Variants in FLT3 observed in about 807,000 individuals in gnomAD.
FLT3 encodes fms related receptor tyrosine kinase 3.
FLT3 carries 46 observed loss-of-function variants against 126.6 expected under a neutral mutation model. The observed-to-expected ratio is 0.36, with a 90% confidence interval of 0.29 to 0.46. FLT3 has a LOEUF of 0.46. Among genes scored for constraint, FLT3 ranks in the 20% least tolerant of loss-of-function variants. FLT3 has a pLI of 1.00. For synonymous variants in FLT3, 404 were observed against 434.4 expected (o/e 0.93, Z 0.87); for missense variants, 1,069 against 1,190.3 (o/e 0.90, Z 1.50).
intron 2 of FLT3, among the ~76,000 whole-genome samples, chr13:28,065,875 A>G (rs9551433): frequency 0.25 from 30,072 of 121,590 alleles, 2,605 homozygotes; most frequent in Middle Eastern, 0.39. Flanking sequence ...GGTGGCTCAC[A>G]CCTGTAATCC....
chr13:28,088,687 C>T (rs1169415568), intron 1 of FLT3, among the ~76,000 whole-genome samples: 2 of 147,910 alleles, frequency 1.4e-5, no homozygotes, highest in Non-Finnish European at 3.0e-5. Context: ...CGGGTTCAAG[C>T]GATTCTCCTG....
chr13:28,098,314 CAAAAA>C (rs55675449), intron 1 of FLT3, among the ~76,000 whole-genome samples: 1,064 of 85,300 alleles, frequency 0.012, 15 homozygotes, highest in East Asian at 0.07. Context: ...GACTCCGTCT[CAAAAA>C]AAAAAAAAAA....
intron 19 of FLT3, 36 bp downstream of exon 19, chr13:28,023,314 T>G: frequency 6.3e-7 from 1 of 1,584,526 alleles, no homozygotes; most frequent in Non-Finnish European, 8.6e-7. Flanking sequence ...TTTCAAATCT[T>G]TTTTTTGGTT....
At position 28,034,171 on chromosome 13, in the gene FLT3, C is replaced by A. The variant is rs761757421; in HGVS notation, c.1748G>T (p.Gly583Val). ...ESQLQMVQVT[G>V]SSDNEYFYVD... Reference sequence around the variant, plus strand: ...GTAGAAGTACTCATTATCTGAGGAGCCGGTCACCTGTACCATCTGTAGCTG... The same window carrying A: ...GTAGAAGTACTCATTATCTGAGGAGACGGTCACCTGTACCATCTGTAGCTG... Residue 583 changes from glycine to valine, a missense_variant, in exon 14 of 24, where the codon GGC (glycine) becomes GTC (valine). Coordinates refer to ENST00000241453, the MANE Select transcript of FLT3 (RefSeq NM_004119.3). The A allele has an allele frequency of 6.2e-7, 1 of 1,613,964 alleles. No individual in the cohort carries two copies. The highest frequency in any genetic ancestry group is 1.3e-5 in the African/African-American group (1 of 75,040).
In FLT3 at chr13:28,015,744, T is replaced by A. The variant is rs745942668; in HGVS notation, c.2542-43A>T. 3 of 1,151,676 alleles carry A rather than the reference T, an allele frequency of 2.6e-6. No individual in the cohort carries two copies. In the South Asian group the frequency reaches 3.7e-5, roughly 14 times the overall value. 71.3% of individuals were successfully genotyped at this position (1,151,676 alleles called of 1,614,324 possible). A position where few individuals can be genotyped will look rare whatever the true frequency, so the allele number is the denominator to read the frequency against. On this transcript the variant is annotated intron_variant, in intron 20 of 23. Coordinates refer to ENST00000241453, the MANE Select transcript of FLT3 (RefSeq NM_004119.3). ...GAGATAAGATGGTGAATTTTCCACA[T>A]ACAGACATGACTTCTTTTCTTTTGT...
At chr13:28,056,383 C>G (rs1875999835) in intron 4 of FLT3, among the ~76,000 whole-genome samples, 1 of 152,172 alleles carries the variant, frequency 6.6e-6, no homozygotes, top group Non-Finnish European at 1.5e-5. Context: ...AAGAGGGGAG[C>G]CTGGCAAGTT....
At chr13:28,027,008 G>C in intron 17 of FLT3, 80 bp downstream of exon 17, 1 of 1,258,072 alleles carries the variant, frequency 7.9e-7, no homozygotes, top group Non-Finnish European at 1.1e-6. Context: ...TTAGAAACTG[G>C]TCAACGAAGT....
At chr13:28,040,096 T>C (rs868672143) in intron 9 of FLT3, among the ~76,000 whole-genome samples, 1 of 152,216 alleles carries the variant, frequency 6.6e-6, no homozygotes, top group Non-Finnish European at 1.5e-5. Context: ...CATTCCTTCA[T>C]TCAACTGTCA....
At chr13:28,025,170 G>T (rs1233123266) in intron 17 of FLT3, 2 of 535,496 alleles carry the variant, frequency 3.7e-6, no homozygotes, top group East Asian at 6.3e-5. Context: ...GAATCTTACA[G>T]TTCAAAAAGG....
intron 23 of FLT3, among the ~76,000 whole-genome samples, chr13:28,012,928 C>T (rs534977156): frequency 7.0e-6 from 1 of 142,994 alleles, no homozygotes; most frequent in East Asian, 2.0e-4. Flanking sequence ...CAGAGCAAGA[C>T]CCTGTCTCAA....
chr13:28,075,428 A>G (rs1456210481), intron 1 of FLT3, among the ~76,000 whole-genome samples: 1 of 152,146 alleles, frequency 6.6e-6, no homozygotes, highest in African/African-American at 2.4e-5. Context: ...TCAATAAAAA[A>G]TAGATGCATC....
chr13:28,061,572 C>A (rs1323617897), intron 3 of FLT3, among the ~76,000 whole-genome samples: 3 of 151,940 alleles, frequency 2.0e-5, no homozygotes, highest in African/African-American at 7.2e-5. Context: ...TCAAGACCAG[C>A]CTTGGCAACA....
At chr13:28,080,583 CA>C (rs1878249720) in intron 1 of FLT3, among the ~76,000 whole-genome samples, 1 of 152,076 alleles carries the variant, frequency 6.6e-6, no homozygotes, top group Non-Finnish European at 1.5e-5. Context: ...AGTCCTTTAT[CA>C]CTTATGTAAT....
At chr13:28,009,872 TA>T (rs1429348665) in intron 23 of FLT3, among the ~76,000 whole-genome samples, 1 of 152,090 alleles carries the variant, frequency 6.6e-6, no homozygotes, top group Non-Finnish European at 1.5e-5. Context: ...TCCCTTCTCT[TA>T]AAACAAAACA....
chr13:28,054,343 A>C (rs1201055115), intron 4 of FLT3, among the ~76,000 whole-genome samples: 1 of 151,992 alleles, frequency 6.6e-6, no homozygotes, highest in Non-Finnish European at 1.5e-5. Context: ...AAAATAATTA[A>C]TTGGGAGTCC....
chr13:28,036,163 G>C, intron 10 of FLT3, 120 bp from the exon 11 acceptor site: 2 of 763,810 alleles, frequency 2.6e-6, no homozygotes, highest in Non-Finnish European at 2.3e-6. Flanking sequence ...TTCAAGACCA[G>C]CCTGGGCAAC....
intron 10 of FLT3, 117 bp from the exon 11 acceptor site, chr13:28,036,160 C>A: frequency 1.3e-6 from 1 of 771,392 alleles, no homozygotes; most frequent in Non-Finnish European, 2.3e-6. Context: ...GAGTTCAAGA[C>A]CAGCCTGGGC....
chr13:28,088,270 C>T (rs1878808302), intron 1 of FLT3, among the ~76,000 whole-genome samples: 1 of 151,994 alleles, frequency 6.6e-6, no homozygotes, highest in South Asian at 2.1e-4. Context: ...AAATGAAAAA[C>T]TTTTGCTCCT....
intron 7 of FLT3, 38 bp from the exon 8 acceptor site, chr13:28,049,575 T>G (rs1305344227): frequency 6.2e-7 from 1 of 1,612,796 alleles, no homozygotes; most frequent in Admixed American, 1.7e-5. Flanking sequence ...TTTAATGTTT[T>G]CAATCCAGAC....
Sources: gnomAD v4.1 joint callset for allele counts (sites outside exome capture counted in the v4.1 genomes callset) on GRCh38, gnomAD v4.1.1 for gene constraint, MANE v1.5 for transcripts, NCBI Gene and HGNC (gene_info 2026-07-23, HGNC 2026-07-21) for gene names.